Variants in ZCWPW2 observed in about 807,000 individuals in gnomAD.
ZCWPW2 encodes the protein zinc finger CW-type and PWWP domain containing 2.
A neutral mutation model predicts 46.6 loss-of-function variants in ZCWPW2; 45 were observed. The observed-to-expected ratio is 0.96, with a 90% CI of 0.76 to 1.24. The LOEUF (loss-of-function observed/expected upper bound fraction) is 1.24. Among genes scored for constraint, ZCWPW2 ranks in the 50% most tolerant of loss-of-function variants. The probability of loss-of-function intolerance (pLI) is 0.00; values close to 1 mark genes in which losing one functional copy is unlikely to be tolerated. For synonymous variants in ZCWPW2, 152 were observed against 137.1 expected, an observed-to-expected ratio of 1.11 and a Z score of -0.76; for missense variants, 429 against 403.9, an observed-to-expected ratio of 1.06 and a Z score of -0.53.
chr3:28,422,804 A>G (rs528040844), intron 3 of ZCWPW2, among the ~76,000 whole-genome samples: 1 of 152,174 alleles, frequency 6.6e-6, no homozygotes, highest in African/African-American at 2.4e-5. Flanking sequence ...AGAAAATGCT[A>G]AACTGTCTTC....
chr3:28,368,089 G>A (rs192895930), intron 1 of ZCWPW2, among the ~76,000 whole-genome samples: 27 of 152,100 alleles, frequency 1.8e-4, no homozygotes, highest in African/African-American at 6.3e-4. Context: ...TGGGTCTTGC[G>A]TCTTTATCCA....
chr3:28,516,856 A>G (rs1700586840), intron 8 of ZCWPW2, among the ~76,000 whole-genome samples: 2 of 152,022 alleles, frequency 1.3e-5, no homozygotes, highest in Admixed American at 1.3e-4. Flanking sequence ...AAATTAAAAA[A>G]AAAAAAATAA....
At chr3:28,402,582 G>A (rs1695991083) in intron 2 of ZCWPW2, among the ~76,000 whole-genome samples, 1 of 151,984 alleles carries the variant, frequency 6.6e-6, no homozygotes, top group Admixed American at 6.6e-5. Flanking sequence ...ATACCAAAAC[G>A]AGAAAAAGAC....
At chr3:28,460,938 C>T (rs1484883337) in intron 4 of ZCWPW2, 1 of 238,930 alleles carries the variant, frequency 4.2e-6, no homozygotes, top group East Asian at 1.0e-4. Context: ...GTGATGCAGT[C>T]CAAAGGATAA....
chr3:28,368,901 C>G (rs2125699969), intron 1 of ZCWPW2, among the ~76,000 whole-genome samples: 1 of 152,300 alleles, frequency 6.6e-6, no homozygotes, highest in East Asian at 1.9e-4. Flanking sequence ...CGCTTCCTTT[C>G]ATTCATTTGA....
intron 4 of ZCWPW2, among the ~76,000 whole-genome samples, chr3:28,447,054 T>C (rs983729284): frequency 1.3e-5 from 2 of 152,100 alleles, no homozygotes; most frequent in Non-Finnish European, 2.9e-5. Flanking sequence ...ATCTTAGACA[T>C]GATGGCTTCA....
intron 6 of ZCWPW2, among the ~76,000 whole-genome samples, chr3:28,504,207 T>C (rs1270363977): frequency 6.6e-6 from 1 of 152,038 alleles, no homozygotes; most frequent in Admixed American, 6.6e-5. Context: ...CAAATAATGA[T>C]AATAATAACA....
chr3:28,500,530 C>T (rs1468177690), intron 6 of ZCWPW2, among the ~76,000 whole-genome samples: 4 of 151,982 alleles, frequency 2.6e-5, no homozygotes, highest in African/African-American at 9.7e-5. Flanking sequence ...ATTTGAACAA[C>T]AAAATTAAGG....
intron 6 of ZCWPW2, among the ~76,000 whole-genome samples, chr3:28,493,095 C>CTTTTTTTTTTTTTTTTTGGTTTTTTT (rs11426111): frequency 5.2e-5 from 4 of 77,046 alleles, no homozygotes; most frequent in Admixed American, 1.4e-4. Context: ...CTTGGCTTTT[C>CTTTTTTTTTTTTTTTTTGGTTTTTTT]TTTTTTTTTT....
In ZCWPW2 at chr3:28,355,220, G is replaced by A. The variant is rs542920505; in HGVS notation, c.-134+6017G>A. Among the ~76,000 whole-genome samples the A allele has an allele frequency of 1.3e-4, 20 of 152,274 alleles. No homozygotes were observed. The South Asian group carries it at 4.1e-3, about 32-fold the overall frequency. ...CTTATACACCAATAACAGACAAACAGTCAAATCATGAGTGAACTCCCATTC... is the reference window on the plus strand; with the variant it reads ...CTTATACACCAATAACAGACAAACAATCAAATCATGAGTGAACTCCCATTC... On this transcript the variant is annotated intron_variant, in intron 1 of 9. Coordinates refer to ENST00000383768, the MANE Select transcript of ZCWPW2 (RefSeq NM_001040432.4).
intron 4 of ZCWPW2, among the ~76,000 whole-genome samples, chr3:28,477,601 T>C (rs1000370761): frequency 6.6e-5 from 10 of 152,000 alleles, no homozygotes; most frequent in Admixed American, 5.2e-4. Flanking sequence ...GAGCACAGAG[T>C]TGATATTAAT....
chr3:28,484,170 GT>G lies in ZCWPW2; in HGVS notation c.610+5250del, dbSNP rs879850831. 1.2e-4 allele frequency among the ~76,000 whole-genome samples: 18 copies of G among 144,062 alleles called. No individual in the cohort carries two copies. The South Asian group carries it at 1.3e-3, about 11-fold the overall frequency. The allele number at this position is 144,062 out of a possible 152,430, so 94.5% of individuals were successfully genotyped here. A position where few individuals can be genotyped will look rare whatever the true frequency, so the allele number is the denominator to read the frequency against. On this transcript the variant is annotated intron_variant, in intron 5 of 9. Transcript: ENST00000383768. The stretch of plus-strand genomic sequence containing the variant: ...GTTCCCGTCCTCCTTGTTTCCTGAG[GT>G]TTTTTTTTTTCATACGCTTTTCTGT...
chr3:28,445,375 A>G (rs1374190470), intron 4 of ZCWPW2, among the ~76,000 whole-genome samples: 1 of 152,096 alleles, frequency 6.6e-6, no homozygotes, highest in Non-Finnish European at 1.5e-5. Context: ...TTGGGCAAAC[A>G]ACATATAAAG....
At chr3:28,363,984 T>C (rs1705032002) in intron 1 of ZCWPW2, among the ~76,000 whole-genome samples, 3 of 152,182 alleles carry the variant, frequency 2.0e-5, no homozygotes, top group Admixed American at 1.3e-4. Flanking sequence ...AAATTTCCTG[T>C]TAATAGCCTA....
chr3:28,397,871 CTT>C (rs1695767573), intron 2 of ZCWPW2, among the ~76,000 whole-genome samples: 1 of 152,118 alleles, frequency 6.6e-6, no homozygotes, highest in Admixed American at 6.6e-5. Context: ...TTGGTGTTCT[CTT>C]TAATAAATTC....
At chr3:28,499,335 C>G (rs1700080725) in intron 6 of ZCWPW2, among the ~76,000 whole-genome samples, 1 of 152,130 alleles carries the variant, frequency 6.6e-6, no homozygotes, top group Non-Finnish European at 1.5e-5. Flanking sequence ...TTAATGATCA[C>G]CATTCTAACT....
intron 4 of ZCWPW2, chr3:28,478,535 C>T (rs188513781): frequency 1.2e-4 from 23 of 196,088 alleles, no homozygotes; most frequent in East Asian, 4.9e-4. Flanking sequence ...TACTTTGTGA[C>T]GCTGAGGGCC....
At chr3:28,373,211 G>A (rs1054502091) in intron 1 of ZCWPW2, among the ~76,000 whole-genome samples, 9 of 152,098 alleles carry the variant, frequency 5.9e-5, no homozygotes, top group Non-Finnish European at 1.2e-4. Flanking sequence ...GTAGTCTTTA[G>A]TTTTTTGGAG....
intron 2 of ZCWPW2, among the ~76,000 whole-genome samples, chr3:28,410,938 T>C (rs923439918): frequency 1.3e-5 from 2 of 151,948 alleles, no homozygotes; most frequent in African/African-American, 2.4e-5. Context: ...GTAGTAGATA[T>C]ACTAAAATTC....
Sources: gnomAD v4.1 joint callset for allele counts (sites outside exome capture counted in the v4.1 genomes callset) on GRCh38, gnomAD v4.1.1 for gene constraint, MANE v1.5 for transcripts, NCBI Gene and HGNC (gene_info 2026-07-23, HGNC 2026-07-21) for gene names.